SLC24A3: variants seen among roughly 807,000 people sequenced by gnomAD.
SLC24A3 encodes the protein solute carrier family 24 member 3, also known as sodium/potassium/calcium exchanger 3.
In SLC24A3, 28 loss-of-function variants were observed where a neutral mutation model predicts 75.8. The ratio of observed to expected loss-of-function variants is 0.37; its 90% CI spans 0.27 to 0.51. The LOEUF (loss-of-function observed/expected upper bound fraction) is 0.51. Among genes scored for constraint, SLC24A3 ranks in the 20% least tolerant of loss-of-function variants. The pLI is 0.94. For missense variants in SLC24A3, 663 were observed against 847.8 expected (o/e 0.78, Z 2.71); for synonymous variants, 372 against 334.1 (o/e 1.11, Z -1.24).
chr20:19,456,837 A>G (rs559368597), intron 2 of SLC24A3, among the ~76,000 whole-genome samples: 9 of 152,222 alleles, frequency 5.9e-5, no homozygotes, highest in African/African-American at 1.9e-4. Context: ...GCAACACACC[A>G]GTCACCACCC....
intron 2 of SLC24A3, among the ~76,000 whole-genome samples, chr20:19,373,398 G>A (rs981397382): frequency 2.6e-5 from 4 of 152,186 alleles, no homozygotes; most frequent in Non-Finnish European, 4.4e-5. Context: ...AGGGAGACCT[G>A]GTGGAACATT....
Position 19,212,908 on chromosome 20 carries a change from T to G in SLC24A3, c.66T>G (p.Leu22=), listed in dbSNP as rs770441546. 9 of 1,344,178 alleles carry G rather than the reference T, an allele frequency of 6.7e-6. No homozygotes were observed. Among genetic ancestry groups the G allele is most frequent in the Middle Eastern group, 2.3e-4 (1 of 4,400 alleles). The allele number at this position is 1,344,178 out of a possible 1,614,324, so 83.3% of individuals were successfully genotyped here. The change falls in exon 1 of 17, where the codon CTT becomes CTG. Residue 22 remains leucine (L), a synonymous_variant. Coordinates refer to ENST00000328041, the MANE Select transcript of SLC24A3 (RefSeq NM_020689.4). The stretch of plus-strand genomic sequence containing the variant: ...GCCGCCGCCGCCGCCGGAGGGACCT[T>G]CTGCTGAGCCAGCTCTGCTTCCTGG... ...RRRRRRRRRD[L]LLSQLCFLAS...
At chr20:19,554,743 G>A (rs1271702346) in intron 3 of SLC24A3, among the ~76,000 whole-genome samples, 1 of 152,210 alleles carries the variant, frequency 6.6e-6, no homozygotes, top group African/African-American at 2.4e-5. Context: ...AGCAGGCAGA[G>A]CTGAAATAAC....
At chr20:19,340,718 A>T (rs1985253531) in intron 2 of SLC24A3, among the ~76,000 whole-genome samples, 1 of 152,200 alleles carries the variant, frequency 6.6e-6, no homozygotes, top group African/African-American at 2.4e-5. Flanking sequence ...TTTCAAATAA[A>T]CATCCAGAAA....
chr20:19,636,075 G>A lies in SLC24A3; in HGVS notation c.613-17987G>A, dbSNP rs142964102. Among the ~76,000 whole-genome samples the A allele has an allele frequency of 8.0e-3, 1,213 of 152,286 alleles. 13 individuals carry two copies. Among genetic ancestry groups the A allele is most frequent in the African/African-American group, 0.028 (1,164 of 41,548 alleles). ...GAATGGCATGAACCCGGGAGGCAGAGCTTGCAATGAGCCAAGATCGTGCCA... is the reference window on the plus strand; with the variant it reads ...GAATGGCATGAACCCGGGAGGCAGAACTTGCAATGAGCCAAGATCGTGCCA... On this transcript the variant is annotated intron_variant, in intron 6 of 16. Coordinates refer to ENST00000328041, the MANE Select transcript of SLC24A3 (RefSeq NM_020689.4).
intron 3 of SLC24A3, among the ~76,000 whole-genome samples, chr20:19,528,314 C>T (rs915314516): frequency 6.6e-6 from 1 of 152,114 alleles, no homozygotes; most frequent in Non-Finnish European, 1.5e-5. Flanking sequence ...ATCAGCGCTC[C>T]CACTCACCAT....
intron 15 of SLC24A3, among the ~76,000 whole-genome samples, chr20:19,699,555 A>C (rs2032848674): frequency 6.6e-6 from 1 of 152,352 alleles, no homozygotes; most frequent in East Asian, 1.9e-4. Flanking sequence ...CTGGAGAAAT[A>C]TCTTATGTGG....
chr20:19,572,362 G>A (rs1010180), intron 3 of SLC24A3, among the ~76,000 whole-genome samples: 3 of 151,936 alleles, frequency 2.0e-5, no homozygotes, highest in East Asian at 1.9e-4. Context: ...AAGAAAAAAA[G>A]AAAAAAACAG....
chr20:19,437,300 ATGAG>A (rs1987221603), intron 2 of SLC24A3, among the ~76,000 whole-genome samples: 1 of 152,170 alleles, frequency 6.6e-6, no homozygotes, highest in South Asian at 2.1e-4. Flanking sequence ...TCTCATGATA[ATGAG>A]TGAGTCTCAC....
At chr20:19,314,273 ATTTATTTAT>A (rs1568586611) in intron 2 of SLC24A3, among the ~76,000 whole-genome samples, 1 of 123,534 alleles carries the variant, frequency 8.1e-6, no homozygotes, top group Non-Finnish European at 1.9e-5. Flanking sequence ...TTTTGTTTTT[ATTTATTTAT>A]TTTATTTTAT....
At chr20:19,629,239 G>C (rs2031905637) in intron 6 of SLC24A3, among the ~76,000 whole-genome samples, 1 of 151,968 alleles carries the variant, frequency 6.6e-6, no homozygotes, top group African/African-American at 2.4e-5. Context: ...AGAAAATCTA[G>C]GGCTAAAGAA....
chr20:19,428,937 G>T (rs548068472), intron 2 of SLC24A3, among the ~76,000 whole-genome samples: 1 of 152,340 alleles, frequency 6.6e-6, no homozygotes, highest in South Asian at 2.1e-4. Context: ...TAGACAAGTT[G>T]TGAATTGTGG....
chr20:19,660,135 TA>T (rs977552268), intron 7 of SLC24A3, among the ~76,000 whole-genome samples: 5 of 152,160 alleles, frequency 3.3e-5, no homozygotes, highest in Non-Finnish European at 7.3e-5. Flanking sequence ...TTGGGGTTCT[TA>T]TTTTTTTATT....
chr20:19,678,395 C>G (rs1213628894), intron 9 of SLC24A3, among the ~76,000 whole-genome samples: 1 of 130,872 alleles, frequency 7.6e-6, no homozygotes, highest in Non-Finnish European at 1.7e-5. Context: ...GGGCTCCTCA[C>G]TTCCCAGTAG....
At chr20:19,524,128 T>C (rs1014771795) in intron 3 of SLC24A3, among the ~76,000 whole-genome samples, 5 of 152,142 alleles carry the variant, frequency 3.3e-5, no homozygotes, top group Admixed American at 3.3e-4. Flanking sequence ...TCTGCCCCAG[T>C]GCCCCACTTG....
At chr20:19,682,948 A>G (rs6106117) in intron 10 of SLC24A3, among the ~76,000 whole-genome samples, 69,188 of 152,020 alleles carry the variant, frequency 0.46, 17,054 homozygotes, top group South Asian at 0.63. Flanking sequence ...TTTTACCTGG[A>G]ATGTGTTTTT....
intron 3 of SLC24A3, among the ~76,000 whole-genome samples, chr20:19,571,518 A>C (rs2031052178): frequency 1.3e-5 from 2 of 152,200 alleles, no homozygotes; most frequent in Non-Finnish European, 2.9e-5. Flanking sequence ...TTCCTGCTGA[A>C]AAATTTCTCC....
At chr20:19,374,903 A>G (rs1160178882) in intron 2 of SLC24A3, among the ~76,000 whole-genome samples, 3 of 152,154 alleles carry the variant, frequency 2.0e-5, no homozygotes, top group Non-Finnish European at 4.4e-5. Flanking sequence ...AGCCACCCAT[A>G]GCCGATGATG....
intron 1 of SLC24A3, among the ~76,000 whole-genome samples, chr20:19,222,526 G>A (rs1981744056): frequency 6.6e-6 from 1 of 152,142 alleles, no homozygotes. Context: ...AGATCACTCA[G>A]CATCCTGTCT....
Sources: allele counts gnomAD v4.1 joint callset (sites outside exome capture counted in the v4.1 genomes callset), GRCh38; gene constraint gnomAD v4.1.1; transcripts MANE v1.5; gene names NCBI Gene and HGNC (gene_info 2026-07-23, HGNC 2026-07-21).